The following MCM9 variants were observed in gnomAD, a reference collection of about 807,000 sequenced individuals.
MCM9 encodes the protein minichromosome maintenance 9 homologous recombination repair factor, also known as DNA helicase MCM9.
A neutral mutation model predicts 72.8 loss-of-function variants in MCM9; 55 were observed. That is an observed-to-expected ratio of 0.76 (90% CI 0.61 to 0.95). MCM9 has a LOEUF of 0.95. Among genes scored for constraint, MCM9 ranks in the 40% least tolerant of loss-of-function variants. The pLI is 0.00. For synonymous variants in MCM9, 480 were observed against 503.4 expected, an observed-to-expected ratio of 0.95 and a Z score of 0.62; for missense variants, 1,279 against 1,377.0, an observed-to-expected ratio of 0.93 and a Z score of 1.13.
intron 9 of MCM9, among the ~76,000 whole-genome samples, chr6:118,838,833 C>G (rs1411573390): frequency 6.6e-6 from 1 of 152,130 alleles, no homozygotes. Context: ...TGTGGGTAAC[C>G]CGGCCTTTCT....
intron 9 of MCM9, among the ~76,000 whole-genome samples, chr6:118,836,007 T>G (rs940077073): frequency 6.6e-6 from 1 of 152,206 alleles, no homozygotes; most frequent in African/African-American, 2.4e-5. Context: ...CTCTTATTAT[T>G]TTGAGATATG....
chr6:118,900,524 A>C (rs929059806), intron 8 of MCM9, among the ~76,000 whole-genome samples: 19 of 152,180 alleles, frequency 1.2e-4, no homozygotes, highest in Non-Finnish European at 2.6e-4. Flanking sequence ...TGGCTATGTT[A>C]TCTTGTTTGT....
chr6:118,836,167 T>C (rs1774942818), intron 9 of MCM9, among the ~76,000 whole-genome samples: 1 of 152,214 alleles, frequency 6.6e-6, no homozygotes, highest in African/African-American at 2.4e-5. Context: ...TTTGCATATG[T>C]TGAACCAGCC....
At chr6:118,822,507 G>C (rs180701313) in intron 13 of MCM9, among the ~76,000 whole-genome samples, 1 of 152,250 alleles carries the variant, frequency 6.6e-6, no homozygotes, top group East Asian at 1.9e-4. Flanking sequence ...TCCCAGAGGG[G>C]CACCAGCCTG....
chr6:118,834,218 C>T (rs1295558234), intron 9 of MCM9, among the ~76,000 whole-genome samples: 1 of 152,196 alleles, frequency 6.6e-6, no homozygotes, highest in East Asian at 1.9e-4. Flanking sequence ...GCATAGTATT[C>T]CGTGGTATAT....
chr6:118,894,329 T>A (rs1049751293), intron 8 of MCM9: 6 of 1,524,860 alleles, frequency 3.9e-6, no homozygotes, highest in African/African-American at 2.8e-5. Context: ...GGAGCGGGGG[T>A]CTGCGCTCTC....
At chr6:118,827,118 G>A (rs1774219910) in intron 11 of MCM9, among the ~76,000 whole-genome samples, 1 of 151,928 alleles carries the variant, frequency 6.6e-6, no homozygotes, top group Non-Finnish European at 1.5e-5. Context: ...CAAAAAAACG[G>A]GCTATATAAA....
At chr6:118,892,686 T>TGATATCAAA (rs1334688906) in intron 8 of MCM9, among the ~76,000 whole-genome samples, 1 of 152,206 alleles carries the variant, frequency 6.6e-6, no homozygotes, top group Non-Finnish European at 1.5e-5. Context: ...AAAATCTGTG[T>TGATATCAAA]CTATCACCAT....
rs201751510 is a variant in MCM9 at position 118,933,504 on chromosome 6, C to CAA, written c.-149-766_-149-765dup. 1.2e-3 allele frequency among the ~76,000 whole-genome samples: 160 copies of CAA among 130,952 alleles called. 1 individual carries two copies. Among genetic ancestry groups the CAA allele is most frequent in the Middle Eastern group, 7.6e-3 (2 of 262 alleles). 85.9% of individuals were successfully genotyped at this position (130,952 alleles called of 152,430 possible). A position where few individuals can be genotyped will look rare whatever the true frequency, so the allele number is the denominator to read the frequency against. On this transcript the variant is annotated intron_variant, in intron 1 of 13. Coordinates refer to ENST00000619706, the MANE Select transcript of MCM9 (RefSeq NM_017696.3). Reference sequence around the variant, plus strand: ...CCGGGCACAGAGCGAGACTCCGCCTCAAAAAAAAAAAAAAAGAGAGAAACA... The same window carrying CAA: ...CCGGGCACAGAGCGAGACTCCGCCTCAAAAAAAAAAAAAAAAAGAGAGAAACA...
intron 8 of MCM9, among the ~76,000 whole-genome samples, chr6:118,867,675 A>G (rs997735491): frequency 1.3e-5 from 2 of 152,194 alleles, no homozygotes; most frequent in African/African-American, 4.8e-5. Context: ...TATACCATGT[A>G]GACTAGGTGT....
intron 8 of MCM9, among the ~76,000 whole-genome samples, chr6:118,875,849 G>A (rs920013085): frequency 1.3e-5 from 2 of 151,984 alleles, no homozygotes; most frequent in Admixed American, 6.6e-5. Context: ...CAAACAGATC[G>A]TTACCATACA....
At chr6:118,904,632 T>C (rs1031734847) in intron 8 of MCM9, among the ~76,000 whole-genome samples, 2 of 152,240 alleles carry the variant, frequency 1.3e-5, no homozygotes, top group Non-Finnish European at 2.9e-5. Flanking sequence ...CTTTCTGCAT[T>C]CCTCAAGGTT....
At chr6:118,881,760 A>T (rs1778301459) in intron 8 of MCM9, among the ~76,000 whole-genome samples, 1 of 152,222 alleles carries the variant, frequency 6.6e-6, no homozygotes, top group Non-Finnish European at 1.5e-5. Context: ...TATACAGACT[A>T]TGGAAAATCT....
Position 118,911,687 on chromosome 6 carries a change from T to C in MCM9, c.1113A>G (p.Arg371=). ...ATCCAATTCCTGTGGTCAGCACAGA[T>C]CTTGGTGTAATCTTTGCTGCATATT... is the stretch of plus-strand genomic sequence containing the variant. ...FLKYAAKITP[R]SVLTTGIGST... Residue 371 remains arginine, a synonymous_variant, in exon 8 of 14, where the codon AGA becomes AGG. Coordinates refer to ENST00000619706, the MANE Select transcript of MCM9 (RefSeq NM_017696.3). 1.2e-6 allele frequency: 2 copies of C among 1,613,722 alleles called. No individual in the cohort carries two copies. Among genetic ancestry groups the C allele is most frequent in the Non-Finnish European group, 1.7e-6 (2 of 1,179,836 alleles).
chr6:118,888,655 T>C (rs1048841133), intron 8 of MCM9, among the ~76,000 whole-genome samples: 1 of 152,126 alleles, frequency 6.6e-6, no homozygotes, highest in Non-Finnish European at 1.5e-5. Context: ...TTTTGTGTAA[T>C]AGCCAAAAAG....
chr6:118,870,191 T>C (rs142061568), intron 8 of MCM9, among the ~76,000 whole-genome samples: 1 of 152,164 alleles, frequency 6.6e-6, no homozygotes, highest in African/African-American at 2.4e-5. Flanking sequence ...TCAACAGCAG[T>C]AGAATACACA....
intron 9 of MCM9, among the ~76,000 whole-genome samples, chr6:118,854,796 CATTG>C (rs1276583320): frequency 6.6e-6 from 1 of 152,166 alleles, no homozygotes; most frequent in Non-Finnish European, 1.5e-5. Flanking sequence ...TAGTCTAATA[CATTG>C]ATTGATTTTC....
intron 4 of MCM9, 40 bp downstream of exon 4, chr6:118,923,771 C>T (rs1781632587): frequency 1.3e-6 from 2 of 1,569,398 alleles, no homozygotes; most frequent in Non-Finnish European, 1.7e-6. Flanking sequence ...CTGAAAAACA[C>T]TTCTTCAAAT....
At chr6:118,890,314 AG>A (rs773951074) in intron 8 of MCM9, among the ~76,000 whole-genome samples, 3 of 152,240 alleles carry the variant, frequency 2.0e-5, no homozygotes, top group African/African-American at 4.8e-5. Context: ...CAAAGGTACT[AG>A]GACAGCCATC....
Sources: gnomAD v4.1 joint callset for allele counts (sites outside exome capture counted in the v4.1 genomes callset) on GRCh38, gnomAD v4.1.1 for gene constraint, MANE v1.5 for transcripts, NCBI Gene and HGNC (gene_info 2026-07-23, HGNC 2026-07-21) for gene names.